Variants in C1orf21 observed in about 807,000 individuals in gnomAD.
C1orf21 encodes uncharacterized protein C1orf21.
C1orf21 carries 3 observed loss-of-function variants against 18.7 expected under a neutral mutation model. The ratio of observed to expected loss-of-function variants is 0.16; its 90% confidence interval spans 0.07 to 0.42. The LOEUF is 0.42. Ranked by LOEUF, C1orf21 falls within the 10% of genes least tolerant of loss-of-function variation. C1orf21 has a pLI of 0.99. For synonymous variants in C1orf21, 41 were observed against 46.4 expected, an observed-to-expected ratio of 0.88 and a Z score of 0.47; for missense variants, 104 against 143.6, an observed-to-expected ratio of 0.72 and a Z score of 1.41.
At chr1:184,470,099 A>G (rs1657472258) in intron 1 of C1orf21, among the ~76,000 whole-genome samples, 2 of 152,108 alleles carry the variant, frequency 1.3e-5, no homozygotes. Context: ...TATTTTTAAA[A>G]GTCTCTCCCT....
chr1:184,511,359 T>C (rs1658141217), intron 3 of C1orf21, among the ~76,000 whole-genome samples: 1 of 152,140 alleles, frequency 6.6e-6, no homozygotes, highest in Non-Finnish European at 1.5e-5. Flanking sequence ...CGCTTTCTGG[T>C]AGCAGATAGC....
At chr1:184,444,682 A>C (rs1657001946) in intron 1 of C1orf21, among the ~76,000 whole-genome samples, 1 of 152,166 alleles carries the variant, frequency 6.6e-6, no homozygotes, top group East Asian at 1.9e-4. Context: ...CTTTATATAA[A>C]AATGAATATA....
intron 1 of C1orf21, among the ~76,000 whole-genome samples, chr1:184,451,599 C>T (rs1405215874): frequency 1.3e-5 from 2 of 151,712 alleles, no homozygotes; most frequent in Non-Finnish European, 2.9e-5. Context: ...GCTACCAGGC[C>T]CAATCTGGAA....
chr1:184,615,044 A>G (rs1425662157), intron 5 of C1orf21, among the ~76,000 whole-genome samples: 2 of 152,204 alleles, frequency 1.3e-5, no homozygotes, highest in Non-Finnish European at 2.9e-5. Context: ...ACAGTTTCTT[A>G]AAGTCACTCT....
chr1:184,478,043 G>A (rs1657598450), intron 2 of C1orf21, among the ~76,000 whole-genome samples: 1 of 152,142 alleles, frequency 6.6e-6, no homozygotes, highest in African/African-American at 2.4e-5. Context: ...TGGTATTTGA[G>A]GAGGAACATG....
intron 5 of C1orf21, among the ~76,000 whole-genome samples, chr1:184,599,938 G>A (rs992706498): frequency 7.9e-5 from 12 of 152,092 alleles, no homozygotes; most frequent in Admixed American, 7.9e-4. Flanking sequence ...ACTTCTGGCC[G>A]CAGGCATTTC....
At chr1:184,411,134 A>G (rs1377206744) in intron 1 of C1orf21, among the ~76,000 whole-genome samples, 1 of 152,146 alleles carries the variant, frequency 6.6e-6, no homozygotes, top group Non-Finnish European at 1.5e-5. Context: ...GATCAGATGT[A>G]AGAGTCTGTG....
intron 4 of C1orf21, among the ~76,000 whole-genome samples, chr1:184,594,245 A>G (rs1000150171): frequency 6.6e-6 from 1 of 152,212 alleles, no homozygotes; most frequent in African/African-American, 2.4e-5. Context: ...GATGATCATG[A>G]AGGAAAAACT....
At chr1:184,516,117 T>C (rs548425425) in intron 3 of C1orf21, among the ~76,000 whole-genome samples, 13 of 152,144 alleles carry the variant, frequency 8.5e-5, no homozygotes, top group South Asian at 6.2e-4. Flanking sequence ...CCAGCCTACA[T>C]TGGTTTTTGA....
At chr1:184,447,785 T>C (rs1657056801) in intron 1 of C1orf21, among the ~76,000 whole-genome samples, 1 of 152,156 alleles carries the variant, frequency 6.6e-6, no homozygotes, top group Non-Finnish European at 1.5e-5. Flanking sequence ...CTTGCCTCTA[T>C]CCCCATCTCT....
chr1:184,581,008 C>T (rs1571287430), intron 3 of C1orf21, among the ~76,000 whole-genome samples: 1 of 152,176 alleles, frequency 6.6e-6, no homozygotes, highest in African/African-American at 2.4e-5. Flanking sequence ...TGCTGAACTC[C>T]AGCCATGGTT....
intron 3 of C1orf21, among the ~76,000 whole-genome samples, chr1:184,540,514 C>A (rs1442173699): frequency 3.3e-5 from 5 of 152,012 alleles, no homozygotes; most frequent in South Asian, 2.1e-4. Context: ...ACTGCAACCT[C>A]CACCTCCTGG....
chr1:184,427,470 A>T (rs1656661101), intron 1 of C1orf21, among the ~76,000 whole-genome samples: 1 of 151,622 alleles, frequency 6.6e-6, no homozygotes, highest in Non-Finnish European at 1.5e-5. Flanking sequence ...TTCCCTTCTC[A>T]CTTTCAGGAC....
chr1:184,566,063 T>TG (rs1387514275), intron 3 of C1orf21, among the ~76,000 whole-genome samples: 1 of 152,026 alleles, frequency 6.6e-6, no homozygotes, highest in East Asian at 1.9e-4. Context: ...TTTAAAATTG[T>TG]GGATTAGGGT....
chr1:184,434,376 G>GTCAT (rs1167534017), intron 1 of C1orf21, among the ~76,000 whole-genome samples: 1 of 152,162 alleles, frequency 6.6e-6, no homozygotes, highest in Non-Finnish European at 1.5e-5. Context: ...GAGACTCAAA[G>GTCAT]TCATTCATTC....
chr1:184,545,570 G>C (rs1012074938), intron 3 of C1orf21, among the ~76,000 whole-genome samples: 29 of 152,056 alleles, frequency 1.9e-4, no homozygotes, highest in African/African-American at 6.8e-4. Flanking sequence ...GAACTATACA[G>C]ATCTTTATTT....
chr1:184,528,652 C>G (rs182128088), intron 3 of C1orf21, among the ~76,000 whole-genome samples: 33 of 152,178 alleles, frequency 2.2e-4, no homozygotes, highest in Admixed American at 1.6e-3. Flanking sequence ...AGCATGTTGG[C>G]CAGGCTGGTC....
chr1:184,436,020 C>T (rs891375737), intron 1 of C1orf21, among the ~76,000 whole-genome samples: 2 of 152,070 alleles, frequency 1.3e-5, no homozygotes, highest in African/African-American at 2.4e-5. Context: ...GACAGTAGCA[C>T]GTGGAGACCA....
chr1:184,610,196 A>C (rs1315352855), intron 5 of C1orf21, among the ~76,000 whole-genome samples: 2 of 152,374 alleles, frequency 1.3e-5, no homozygotes, highest in African/African-American at 4.8e-5. Context: ...ATTTTGTGAC[A>C]TGTGAAAAAC....
Sources: gnomAD v4.1 joint callset for allele counts (sites outside exome capture counted in the v4.1 genomes callset) on GRCh38, gnomAD v4.1.1 for gene constraint, MANE v1.5 for transcripts, NCBI Gene and HGNC (gene_info 2026-07-23, HGNC 2026-07-21) for gene names.